CDK6: variants seen among roughly 807,000 people sequenced by gnomAD.
CDK6 encodes the protein cyclin dependent kinase 6.
CDK6 carries 6 observed loss-of-function variants against 37.1 expected under a neutral mutation model. The observed-to-expected ratio is 0.16, with a 90% confidence interval of 0.09 to 0.32. The LOEUF (loss-of-function observed/expected upper bound fraction) is 0.32, where lower values mean the gene tolerates loss of function less well. Among genes scored for constraint, CDK6 ranks in the 10% least tolerant of loss-of-function variants. The probability of loss-of-function intolerance (pLI) is 1.00; values close to 1 mark genes in which losing one functional copy is unlikely to be tolerated. For missense variants in CDK6, 224 were observed against 418.9 expected (o/e 0.53, Z 4.06); for synonymous variants, 160 against 161.3 (o/e 0.99, Z 0.06).
At chr7:92,707,873 G>A (rs551761489) in intron 4 of CDK6, among the ~76,000 whole-genome samples, 11 of 152,322 alleles carry the variant, frequency 7.2e-5, no homozygotes, top group African/African-American at 2.4e-4. Flanking sequence ...CCATTATCAA[G>A]TGTATGATAT....
chr7:92,812,599 T>C (rs1321077781), intron 2 of CDK6, among the ~76,000 whole-genome samples: 1 of 151,996 alleles, frequency 6.6e-6, no homozygotes, highest in Non-Finnish European at 1.5e-5. Flanking sequence ...TTTTAGGAAA[T>C]ATTTTTTGTA....
rs138676348 is a variant in CDK6 at position 92,654,974 on chromosome 7, G to A, written c.647+16452C>T. Among the ~76,000 whole-genome samples the A allele has an allele frequency of 2.4e-4, 37 of 151,484 alleles. No individual in the cohort carries two copies. In the East Asian group the frequency reaches 7.0e-3, roughly 29 times the overall value. ...TATTCTCCTACCTCAGCCTCCCAAG[G>A]TGGGACTACAGGCACGTGCCACCAT... On this transcript the variant is annotated intron_variant, in intron 5 of 7. Transcript: ENST00000424848.
chr7:92,668,221 T>G (rs1309135444), intron 5 of CDK6, among the ~76,000 whole-genome samples: 1 of 152,220 alleles, frequency 6.6e-6, no homozygotes. Context: ...ATTGGCAGCC[T>G]AAGAGCAATA....
At chr7:92,780,773 A>C (rs1055588566) in intron 2 of CDK6, among the ~76,000 whole-genome samples, 4 of 151,496 alleles carry the variant, frequency 2.6e-5, no homozygotes, top group South Asian at 2.1e-4. Flanking sequence ...CAAAAAAAAA[A>C]AAAAAACAAA....
chr7:92,706,196 G>A (rs1458577652), intron 4 of CDK6, among the ~76,000 whole-genome samples: 1 of 152,238 alleles, frequency 6.6e-6, no homozygotes, highest in African/African-American at 2.4e-5. Context: ...CCAAGAGGAA[G>A]TGATCGGTGG....
intron 2 of CDK6, among the ~76,000 whole-genome samples, chr7:92,785,206 A>C (rs1412219037): frequency 6.6e-6 from 1 of 152,250 alleles, no homozygotes; most frequent in Non-Finnish European, 1.5e-5. Context: ...TTAGTAATAG[A>C]AAGAAATGAA....
At chr7:92,807,410 C>A (rs1029782439) in intron 2 of CDK6, among the ~76,000 whole-genome samples, 13 of 151,702 alleles carry the variant, frequency 8.6e-5, no homozygotes, top group African/African-American at 2.9e-4. Context: ...AGATATCTAT[C>A]TAGATATAGA....
chr7:92,834,511 C>T lies in CDK6; in HGVS notation c.-367-821G>A, dbSNP rs1227244424. Among the ~76,000 whole-genome samples the T allele has an allele frequency of 1.3e-5, 2 of 151,772 alleles. No homozygotes were observed. The highest frequency in any genetic ancestry group is 2.9e-5 in the Non-Finnish European group (2 of 67,922). ...GCGAGCGGTCCTGGGGGAGGGGAGA[C>T]ACCGTCCCCCACGGGATCCCAAGGG... On this transcript the variant is annotated intron_variant, in intron 1 of 7. Transcript: ENST00000424848. This position sits in a 1 kb window ranked among gnomAD's most constrained non-coding sequence, Gnocchi z 4.6.
At chr7:92,700,268 T>G (rs1797813193) in intron 4 of CDK6, among the ~76,000 whole-genome samples, 1 of 152,170 alleles carries the variant, frequency 6.6e-6, no homozygotes, top group Non-Finnish European at 1.5e-5. Context: ...AGGGCGTGTA[T>G]GTCAGATATG....
At chr7:92,700,048 C>T (rs915877931) in intron 4 of CDK6, among the ~76,000 whole-genome samples, 7 of 152,114 alleles carry the variant, frequency 4.6e-5, no homozygotes, top group Non-Finnish European at 8.8e-5. Context: ...CACATCAACT[C>T]CACAGGGGTG....
chr7:92,826,801 C>CA (rs1347791049), intron 2 of CDK6, among the ~76,000 whole-genome samples: 1 of 152,102 alleles, frequency 6.6e-6, no homozygotes, highest in Non-Finnish European at 1.5e-5. Flanking sequence ...ATGCAGTATA[C>CA]AACTCTAAAA....
chr7:92,634,633 G>A (rs1796128047), intron 5 of CDK6, among the ~76,000 whole-genome samples: 1 of 152,044 alleles, frequency 6.6e-6, no homozygotes, highest in Non-Finnish European at 1.5e-5. Flanking sequence ...CAATCTTCCT[G>A]TTCAGGAAAA....
intron 2 of CDK6, among the ~76,000 whole-genome samples, chr7:92,821,970 T>C (rs929943091): frequency 2.0e-5 from 3 of 152,058 alleles, no homozygotes; most frequent in African/African-American, 4.8e-5. Flanking sequence ...TATTTTAATA[T>C]GACATACATA....
At chr7:92,665,548 C>G (rs1359120684) in intron 5 of CDK6, among the ~76,000 whole-genome samples, 2 of 152,190 alleles carry the variant, frequency 1.3e-5, no homozygotes, top group Non-Finnish European at 2.9e-5. Flanking sequence ...GGCTCTTTGT[C>G]AACCATCTGC....
chr7:92,790,839 G>T (rs1303397873), intron 2 of CDK6, among the ~76,000 whole-genome samples: 1 of 152,170 alleles, frequency 6.6e-6, no homozygotes, highest in Non-Finnish European at 1.5e-5. Context: ...AGTTACCCAA[G>T]CAAGTGGCAA....
At chr7:92,759,697 CA>C (rs61188860) in intron 3 of CDK6, among the ~76,000 whole-genome samples, 16,957 of 74,224 alleles carry the variant, frequency 0.23, 753 homozygotes, top group Middle Eastern at 0.44. Flanking sequence ...GACTTTAAGG[CA>C]AAAAAAAAAA....
intron 2 of CDK6, among the ~76,000 whole-genome samples, chr7:92,827,901 A>ATGTG (rs1322207840): frequency 6.6e-6 from 1 of 152,162 alleles, no homozygotes; most frequent in Non-Finnish European, 1.5e-5. Flanking sequence ...TGGAAAACAC[A>ATGTG]TATTTGCTTA....
intron 2 of CDK6, 92 bp from the exon 3 acceptor site, chr7:92,774,923 T>A (rs1397227900): frequency 7.9e-7 from 1 of 1,258,162 alleles, no homozygotes; most frequent in Non-Finnish European, 1.1e-6. Flanking sequence ...GGTCTCATAA[T>A]AGAAAAAAAA....
chr7:92,816,374 A>T (rs1801030403), intron 2 of CDK6, among the ~76,000 whole-genome samples: 1 of 152,136 alleles, frequency 6.6e-6, no homozygotes, highest in African/African-American at 2.4e-5. Context: ...TATAAATAAA[A>T]AATCAAATGG....
Sources: gnomAD v4.1 joint callset for allele counts (sites outside exome capture counted in the v4.1 genomes callset) on GRCh38, gnomAD v4.1.1 for gene constraint, Gnocchi (gnomAD v3.1) non-coding constraint, MANE v1.5 for transcripts, NCBI Gene and HGNC (gene_info 2026-07-23, HGNC 2026-07-21) for gene names.